The following TRIM52 variants were observed in gnomAD, a reference collection of about 807,000 sequenced individuals.
TRIM52 encodes the protein E3 ubiquitin-protein ligase TRIM52.
A neutral mutation model predicts 27.0 loss-of-function variants in TRIM52; 24 were observed. That is an observed-to-expected ratio of 0.89 (90% CI 0.64 to 1.25). TRIM52 has a LOEUF of 1.25. TRIM52 is among the 50% of genes most tolerant of loss of function. The probability of loss-of-function intolerance (pLI) is 0.00; values close to 1 mark genes in which losing one functional copy is unlikely to be tolerated. For missense variants in TRIM52, 351 were observed against 354.7 expected (o/e 0.99, Z 0.08); for synonymous variants, 125 against 126.5 (o/e 0.99, Z 0.08).
chr5:181,259,815 T>C (rs1417418692), intron 1 of TRIM52, 186 bp downstream of exon 1: 18 of 1,363,958 alleles, frequency 1.3e-5, no homozygotes, highest in Non-Finnish European at 1.7e-5. Flanking sequence ...GCCCCAATCT[T>C]CATGGTTTTG....
At chr5:181,257,272 T>TGAAGA in intron 1 of TRIM52, 2 of 1,296,918 alleles carry the variant, frequency 1.5e-6, no homozygotes, top group Non-Finnish European at 2.0e-6. Flanking sequence ...CCAAAAAGCC[T>TGAAGA]CTTCTTACAG....
chr5:181,261,032 G>A lies in TRIM52; in HGVS notation c.-219C>T, dbSNP rs924309839. 3 of 609,990 alleles carry A rather than the reference G, an allele frequency of 4.9e-6. No individual in the cohort carries two copies. The African/African-American group carries it at 5.5e-5, about 11-fold the overall frequency. The allele number at this position is 609,990 out of a possible 1,614,324, so 37.8% of individuals were successfully genotyped here. A position where few individuals can be genotyped will look rare whatever the true frequency, so the allele number is the denominator to read the frequency against. On this transcript the variant is annotated 5_prime_UTR_variant, in exon 1 of 2. Coordinates refer to ENST00000688015, the MANE Select transcript of TRIM52 (RefSeq NM_001346048.2). ...TCTGGGATCGGTGGGGACAGAGCAGGCTGCAGCCCCCAGCTGCTCGGTCCT... is the reference window on the plus strand; with the variant it reads ...TCTGGGATCGGTGGGGACAGAGCAGACTGCAGCCCCCAGCTGCTCGGTCCT...
chr5:181,253,382 T>C (rs1370843388), downstream of TRIM52, among the ~76,000 whole-genome samples: 1 of 142,638 alleles, frequency 7.0e-6, no homozygotes, highest in African/African-American at 2.9e-5. Flanking sequence ...CTATTCTTCC[T>C]CTCAAGAGTA....
chr5:181,258,003 A>AT (rs1561688741), intron 1 of TRIM52: 1 of 150,848 alleles, frequency 6.6e-6, no homozygotes, highest in Non-Finnish European at 1.5e-5. Context: ...AAATAAGTAA[A>AT]TAAATAAATA....
At chr5:181,250,679 G>C (rs2770968), downstream of TRIM52, among the ~76,000 whole-genome samples, 5,127 of 152,212 alleles carry the variant, frequency 0.034, 268 homozygotes, top group African/African-American at 0.11. Context: ...GAGAGAGGAC[G>C]TCATATAAAC....
downstream of TRIM52, among the ~76,000 whole-genome samples, chr5:181,251,337 A>C (rs1165319403): frequency 6.6e-6 from 1 of 152,100 alleles, no homozygotes; most frequent in Non-Finnish European, 1.5e-5. Flanking sequence ...GGAAGGCCTA[A>C]GCACAAACCT....
chr5:181,253,086 A>T, downstream of TRIM52, among the ~76,000 whole-genome samples: 1 of 132,544 alleles, frequency 7.5e-6, no homozygotes, highest in South Asian at 2.4e-4. Context: ...CCCAGGCTGG[A>T]GTGCAATGGT....
chr5:181,255,926 A>G lies in TRIM52; in HGVS notation c.*883T>C, dbSNP rs1480877118. 3.9e-5 allele frequency: 6 copies of G among 152,236 alleles called. No individual in the cohort carries two copies. The highest frequency in any genetic ancestry group is 8.8e-5 in the Non-Finnish European group (6 of 68,040). The allele number at this position is 152,236 out of a possible 1,614,324, so 9.4% of individuals were successfully genotyped here. A position where few individuals can be genotyped will look rare whatever the true frequency, so the allele number is the denominator to read the frequency against. ...AGAATCCGTTTTTCTTTGGCAACCAAGAAACTTCAATATGTAACAGAAAAC... is the reference window on the plus strand; with the variant it reads ...AGAATCCGTTTTTCTTTGGCAACCAGGAAACTTCAATATGTAACAGAAAAC... On this transcript the variant is annotated 3_prime_UTR_variant, in exon 2 of 2. Coordinates refer to ENST00000688015, the MANE Select transcript of TRIM52 (RefSeq NM_001346048.2).
chr5:181,259,919 G>A, intron 1 of TRIM52, 82 bp downstream of exon 1: 2 of 1,602,912 alleles, frequency 1.2e-6, no homozygotes, highest in Non-Finnish European at 1.7e-6. Flanking sequence ...GAGGAGGTGG[G>A]AAAGGAATGC....
At chr5:181,257,141 T>C in intron 1 of TRIM52, 2 of 1,106,166 alleles carry the variant, frequency 1.8e-6, no homozygotes, top group Non-Finnish European at 2.2e-6. Flanking sequence ...AATGGTGCCC[T>C]TGGTCAAATC....
At chr5:181,254,076 G>A (rs1358683063), downstream of TRIM52, among the ~76,000 whole-genome samples, 1 of 141,660 alleles carries the variant, frequency 7.1e-6, no homozygotes, top group Non-Finnish European at 1.5e-5. Context: ...AGATCACGGG[G>A]TCAGGAGATC....
intron 1 of TRIM52, chr5:181,257,616 CTT>C: frequency 1.5e-6 from 1 of 688,050 alleles, no homozygotes; most frequent in Non-Finnish European, 2.2e-6. Context: ...ATTATTATGA[CTT>C]TGGTCAGTAA....
At position 181,260,340 on chromosome 5, in the gene TRIM52, A is replaced by T; in HGVS notation, c.474T>A (p.Asp158Glu). 2 of 1,613,798 alleles carry T rather than the reference A, an allele frequency of 1.2e-6. No individual in the cohort carries two copies. Among genetic ancestry groups the T allele is most frequent in the South Asian group, 2.2e-5 (2 of 91,042 alleles). The change falls in exon 1 of 2, where the codon GAT becomes GAA. Residue 158 changes from aspartate to glutamate, a missense_variant. By Grantham distance (45) the Asp-to-Glu change is conservative (BLOSUM62 2). Transcript: ENST00000688015. The surrounding 1 kb of genome is among the most constrained non-coding windows in gnomAD (Gnocchi z 4.4). ...GATACAGCTCTTCATCTTCGTCCTC[A>T]TCGTATGCTTCCAGTATTTCTTCTT... ...YREEEILEAY[D>E]EDEDEELYPD...
downstream of TRIM52, among the ~76,000 whole-genome samples, chr5:181,250,295 G>C (rs1242980050): frequency 6.6e-6 from 1 of 152,128 alleles, no homozygotes; most frequent in Non-Finnish European, 1.5e-5. Context: ...CAGCACTTTG[G>C]GAGGCCAAGG....
downstream of TRIM52, among the ~76,000 whole-genome samples, chr5:181,249,313 A>C (rs1759586691): frequency 6.6e-6 from 1 of 152,156 alleles, no homozygotes; most frequent in Admixed American, 6.5e-5. Context: ...AGTACTTACT[A>C]AAGACCTTAT....
Position 181,255,712 on chromosome 5 carries a change from A to G in TRIM52, c.*1097T>C, listed in dbSNP as rs1320501504. 2.0e-5 allele frequency: 3 copies of G among 152,160 alleles called. No individual in the cohort carries two copies. The highest frequency in any genetic ancestry group is 7.2e-5 in the African/African-American group (3 of 41,432). 9.4% of individuals were successfully genotyped at this position (152,160 alleles called of 1,614,324 possible). On this transcript the variant is annotated 3_prime_UTR_variant, in exon 2 of 2. Transcript: ENST00000688015. The stretch of plus-strand genomic sequence containing the variant: ...ATATTTTTATGGTTGTATTTTTGGC[A>G]AGTTTTGTTTGATGTATTTCATAAT...
Position 181,260,041 on chromosome 5 carries a change from T to C in TRIM52, c.773A>G (p.His258Arg), listed in dbSNP as rs1417749239. ...VCRESRSHKQ[H>R]SVLPLEEVVQ... ...CACCTCCTCCAAAGGCAGCACGCTG[T>C]GCTGTTTGTGGCTCCTGGATTCTCG... Residue 258 changes from histidine (H) to arginine (R), a missense_variant, in exon 1 of 2, where the codon CAC (histidine) becomes CGC (arginine). His to Arg is a conservative substitution (Grantham distance 29). Coordinates refer to ENST00000688015, the MANE Select transcript of TRIM52 (RefSeq NM_001346048.2). This position sits in a 1 kb window ranked among gnomAD's most constrained non-coding sequence, Gnocchi z 4.4. 6.2e-7 allele frequency: 1 copy of C among 1,614,048 alleles called. No homozygotes were observed. Among genetic ancestry groups the C allele is most frequent in the Non-Finnish European group, 8.5e-7 (1 of 1,180,054 alleles).
At chr5:181,256,900 C>T (rs923771254) in intron 1 of TRIM52, 41 bp from the exon 2 acceptor site, 1 of 985,604 alleles carries the variant, frequency 1.0e-6, no homozygotes, top group Non-Finnish European at 1.2e-6. Context: ...AAAGCCTCAA[C>T]ATTTTTTTTT....
chr5:181,251,047 T>C (rs1759623271), downstream of TRIM52, among the ~76,000 whole-genome samples: 2 of 152,002 alleles, frequency 1.3e-5, no homozygotes, highest in South Asian at 4.2e-4. Flanking sequence ...CCCAGCACTT[T>C]GGGAGGCCGA....
Sources: allele counts gnomAD v4.1 joint callset (sites outside exome capture counted in the v4.1 genomes callset), GRCh38; gene constraint gnomAD v4.1.1; non-coding constraint Gnocchi (gnomAD v3.1); transcripts MANE v1.5; gene names NCBI Gene and HGNC (gene_info 2026-07-23, HGNC 2026-07-21).